Variants in SULF2 observed in about 807,000 individuals in gnomAD.
SULF2 encodes the protein extracellular sulfatase Sulf-2.
In SULF2, 52 loss-of-function variants were observed where a neutral mutation model predicts 107.7. The observed-to-expected ratio is 0.48, with a 90% CI of 0.39 to 0.61. The LOEUF is 0.61. SULF2 is among the 20% of genes least tolerant of loss of function. SULF2 has a pLI of 0.00. For synonymous variants in SULF2, 460 were observed against 464.3 expected, an observed-to-expected ratio of 0.99 and a Z score of 0.12; for missense variants, 993 against 1,177.3, an observed-to-expected ratio of 0.84 and a Z score of 2.29.
Position 47,680,760 on chromosome 20 carries a change from C to T in SULF2, c.1065-1956G>A, listed in dbSNP as rs998955541. On this transcript the variant is annotated intron_variant, in intron 7 of 20. Transcript: ENST00000688720. This position sits in a 1 kb window ranked among gnomAD's most constrained non-coding sequence, Gnocchi z 4.2. ...CTGAGCGACGGGCGCTCTGCAGAAC[C>T]CAGCAACCGGCAGCTAATGGGGCTG... 6.6e-6 allele frequency among the ~76,000 whole-genome samples: 1 copy of T among 152,208 alleles called. No homozygotes were observed. The highest frequency in any genetic ancestry group is 2.4e-5 in the African/African-American group (1 of 41,456).
Position 47,663,453 on chromosome 20 carries a change from G to A in SULF2, c.2227C>T (p.Leu743=), listed in dbSNP as rs201561758. The A allele has an allele frequency of 9.6e-5, 155 of 1,607,752 alleles. 1 individual carries two copies. In the South Asian group the frequency reaches 1.4e-3, roughly 15 times the overall value. The change falls in exon 16 of 21, where the codon CTG becomes TTG. Residue 743 remains leucine (L), a splice_region_variant and synonymous_variant. Transcript: ENST00000688720. ...CCACCCCTGCCCTGGGCTTGCTCACGTGTCCAGAAAGGCGCCGTCTGCCAG... is the reference window on the plus strand; with the variant it reads ...CCACCCCTGCCCTGGGCTTGCTCACATGTCCAGAAAGGCGCCGTCTGCCAG... ...QHWQTAPFWT[L]GPFCACTSAN...
chr20:47,708,072 C>T (rs186117207), intron 3 of SULF2, among the ~76,000 whole-genome samples: 80 of 152,266 alleles, frequency 5.3e-4, no homozygotes, highest in African/African-American at 1.8e-3. Flanking sequence ...TAAACACCTA[C>T]GGTATGCAGG....
intron 4 of SULF2, among the ~76,000 whole-genome samples, chr20:47,693,667 G>A (rs1175817026): frequency 2.0e-5 from 3 of 152,232 alleles, no homozygotes; most frequent in Non-Finnish European, 2.9e-5. Context: ...CACAAACACA[G>A]CATCGTACAT....
chr20:47,743,387 C>T (rs1949422194), intron 2 of SULF2, among the ~76,000 whole-genome samples: 1 of 152,150 alleles, frequency 6.6e-6, no homozygotes, highest in Non-Finnish European at 1.5e-5. Context: ...CGGCTCACTG[C>T]AGCCTCGACC....
At position 47,735,991 on chromosome 20, in the gene SULF2, G is replaced by A. The variant is rs891987869; in HGVS notation, c.415+712C>T. Reference sequence around the variant, plus strand: ...ACCGCCGCGGCTTCTTACCCAAGGCGGGGAGTATTTATTTATTTTTAATTA... The same window carrying A: ...ACCGCCGCGGCTTCTTACCCAAGGCAGGGAGTATTTATTTATTTTTAATTA... On this transcript the variant is annotated intron_variant, in intron 3 of 20. Coordinates refer to ENST00000688720, the MANE Select transcript of SULF2 (RefSeq NM_001387048.1). 1.6e-4 allele frequency among the ~76,000 whole-genome samples: 24 copies of A among 152,302 alleles called. 1 individual carries two copies. Among genetic ancestry groups the A allele is most frequent in the Admixed American group, 9.2e-4 (14 of 15,294 alleles).
intron 6 of SULF2, 70 bp downstream of exon 6, chr20:47,684,361 G>T: frequency 6.7e-7 from 1 of 1,483,446 alleles, no homozygotes; most frequent in Non-Finnish European, 9.0e-7. Flanking sequence ...GAAGGGCCAG[G>T]AGGTCTCGGC....
chr20:47,765,066 A>G (rs1189304732), intron 1 of SULF2, among the ~76,000 whole-genome samples: 1 of 152,038 alleles, frequency 6.6e-6, no homozygotes, highest in African/African-American at 2.4e-5. Context: ...AGAGGAGGAG[A>G]GAGGGCTGGG....
intron 1 of SULF2, among the ~76,000 whole-genome samples, chr20:47,761,261 C>T (rs2090412966): frequency 1.3e-5 from 2 of 152,186 alleles, no homozygotes; most frequent in Non-Finnish European, 2.9e-5. Flanking sequence ...GCCACCCAGA[C>T]AGAAGATGGC....
chr20:47,658,499 A>G, intron 20 of SULF2, 107 bp from the exon 21 acceptor site: 1 of 1,223,532 alleles, frequency 8.2e-7, no homozygotes, highest in Non-Finnish European at 1.2e-6. Context: ...GCTGCTGAGA[A>G]TGAATATTTC....
intron 2 of SULF2, among the ~76,000 whole-genome samples, chr20:47,744,210 T>C (rs2089953762): frequency 6.6e-6 from 1 of 151,922 alleles, no homozygotes; most frequent in Non-Finnish European, 1.5e-5. Flanking sequence ...TGAGATGGAG[T>C]CTCCCTCTGT....
At chr20:47,700,637 C>CTTTTTTTTTT (rs59966689) in intron 4 of SULF2, among the ~76,000 whole-genome samples, 2 of 126,208 alleles carry the variant, frequency 1.6e-5, no homozygotes, top group African/African-American at 3.0e-5. Context: ...GGTGCAACAT[C>CTTTTTTTTTT]TTTTTTTTTT....
At chr20:47,783,441 C>T (rs537367109) in intron 1 of SULF2, among the ~76,000 whole-genome samples, 104 of 152,290 alleles carry the variant, frequency 6.8e-4, no homozygotes, top group African/African-American at 2.5e-3. Flanking sequence ...CAAATCAGGT[C>T]CAAATCAGGT....
At position 47,758,162 on chromosome 20, in the gene SULF2, CTT is replaced by C. The variant is rs373618271; in HGVS notation, c.-100-701_-100-700del. Among the ~76,000 whole-genome samples the C allele has an allele frequency of 3.1e-4, 38 of 122,430 alleles. No individual in the cohort carries two copies. The Middle Eastern group carries it at 0.014, about 46-fold the overall frequency. 80.3% of individuals were successfully genotyped at this position (122,430 alleles called of 152,430 possible). The stretch of plus-strand genomic sequence containing the variant: ...CTTGTAGTTGGGCAAAAAAGTATTC[CTT>C]TTTTTTTTTTTTTTTTTTTCCCAGA... On this transcript the variant is annotated intron_variant, in intron 1 of 20. Coordinates refer to ENST00000688720, the MANE Select transcript of SULF2 (RefSeq NM_001387048.1).
intron 2 of SULF2, among the ~76,000 whole-genome samples, chr20:47,755,541 T>C (rs1600656577): frequency 6.6e-6 from 1 of 152,174 alleles, no homozygotes; most frequent in African/African-American, 2.4e-5. Context: ...ATCTTTTCCA[T>C]AACCCACATA....
rs2089741397 is a variant in SULF2, at chr20:47,736,769, A to G, written c.349T>C (p.Ser117Pro). Residue 117 changes from serine to proline, a missense_variant, in exon 3 of 21, where the codon TCC becomes CCC. Transcript: ENST00000688720. ...CGGCTCTCGTGCTGTGCCTGCCAGGAGGGCGAGGAGCAGTTCTCATTGTTG... is the reference window on the plus strand; with the variant it reads ...CGGCTCTCGTGCTGTGCCTGCCAGGGGGGCGAGGAGCAGTTCTCATTGTTG... ...YTNNENCSSP[S>P]WQAQHESRTF... The G allele has an allele frequency of 6.2e-7, 1 of 1,614,076 alleles. No homozygotes were observed. The highest frequency in any genetic ancestry group is 1.7e-5 in the Admixed American group (1 of 60,004).
At chr20:47,665,324 A>G in intron 13 of SULF2, 31 bp from the exon 14 acceptor site, 1 of 1,411,730 alleles carries the variant, frequency 7.1e-7, no homozygotes, top group Non-Finnish European at 1.0e-6. Flanking sequence ...GAGGCCTTGA[A>G]ACCTTCAAGG....
At chr20:47,673,755 G>A (rs569979837) in intron 10 of SULF2, among the ~76,000 whole-genome samples, 151 of 152,358 alleles carry the variant, frequency 9.9e-4, no homozygotes, top group Non-Finnish European at 1.5e-3. Flanking sequence ...GCGCCTGGGG[G>A]ACCTGGGGAG....
chr20:47,664,336 C>A, intron 14 of SULF2, 147 bp from the exon 15 acceptor site: 3 of 748,868 alleles, frequency 4.0e-6, no homozygotes, highest in Admixed American at 2.5e-5. Flanking sequence ...TAGGGCATGA[C>A]CCTATCCTCA....
chr20:47,726,639 C>T (rs2089451191), intron 3 of SULF2, among the ~76,000 whole-genome samples: 1 of 152,192 alleles, frequency 6.6e-6, no homozygotes, highest in African/African-American at 2.4e-5. Flanking sequence ...AACTGAAATG[C>T]TAATTGTAAT....
Sources: allele counts gnomAD v4.1 joint callset (sites outside exome capture counted in the v4.1 genomes callset), GRCh38; gene constraint gnomAD v4.1.1; non-coding constraint Gnocchi (gnomAD v3.1); transcripts MANE v1.5; gene names NCBI Gene and HGNC (gene_info 2026-07-23, HGNC 2026-07-21).